OXSR1: variants seen among roughly 807,000 people sequenced by gnomAD.
The protein encoded by OXSR1 is serine/threonine-protein kinase OSR1.
Under a neutral mutation model 79.8 loss-of-function variants are expected in OXSR1, and 24 were observed. The ratio of observed to expected loss-of-function variants is 0.30; its 90% CI spans 0.22 to 0.42. The LOEUF (loss-of-function observed/expected upper bound fraction) is 0.42. Among genes scored for constraint, OXSR1 ranks in the 10% least tolerant of loss-of-function variants. The probability of loss-of-function intolerance (pLI) is 1.00; values close to 1 mark genes in which losing one functional copy is unlikely to be tolerated. For missense variants in OXSR1, 430 were observed against 618.4 expected, an observed-to-expected ratio of 0.70 and a Z score of 3.23; for synonymous variants, 226 against 209.2, an observed-to-expected ratio of 1.08 and a Z score of -0.69.
intron 4 of OXSR1, 92 bp downstream of exon 4, chr3:38,198,955 C>T: frequency 9.6e-7 from 1 of 1,042,840 alleles, no homozygotes; most frequent in East Asian, 2.4e-5. Context: ...GTTATCATAG[C>T]TCTTTGTATC....
intron 3 of OXSR1, among the ~76,000 whole-genome samples, chr3:38,197,177 A>G (rs1265487659): frequency 6.6e-6 from 1 of 152,236 alleles, no homozygotes; most frequent in Non-Finnish European, 1.5e-5. Context: ...AATTCCAGCA[A>G]TGGAGAGGGG....
At position 38,170,056 on chromosome 3, in the gene OXSR1, T is replaced by A. The variant is rs186080222; in HGVS notation, c.70+4110T>A. 7.0e-3 allele frequency among the ~76,000 whole-genome samples: 1,061 copies of A among 152,154 alleles called. 9 individuals are homozygous for A. The highest frequency in any genetic ancestry group is 0.014 in the African/African-American group (575 of 41,512). Reference sequence around the variant, plus strand: ...CTTCTTTAATTTTATTATTATTATTTTTTTTTGAGTTGGAGTCTTACTCTG... The same window carrying A: ...CTTCTTTAATTTTATTATTATTATTATTTTTTGAGTTGGAGTCTTACTCTG... On this transcript the variant is annotated intron_variant, in intron 1 of 17. Coordinates refer to ENST00000311806, the MANE Select transcript of OXSR1 (RefSeq NM_005109.3).
At chr3:38,180,239 G>C (rs775894867) in intron 1 of OXSR1, among the ~76,000 whole-genome samples, 10 of 152,114 alleles carry the variant, frequency 6.6e-5, no homozygotes, top group African/African-American at 2.4e-4. Flanking sequence ...CACTGTTCCT[G>C]GCGGAAAAAA....
chr3:38,239,265 T>C (rs1575368011), intron 11 of OXSR1, among the ~76,000 whole-genome samples: 1 of 152,168 alleles, frequency 6.6e-6, no homozygotes, highest in South Asian at 2.1e-4. Flanking sequence ...CATTATGGCT[T>C]GAGGAGTATT....
intron 4 of OXSR1, among the ~76,000 whole-genome samples, chr3:38,203,479 G>GC (rs1412776298): frequency 2.0e-5 from 3 of 152,048 alleles, no homozygotes; most frequent in Non-Finnish European, 4.4e-5. Flanking sequence ...CACCCGCTAA[G>GC]CCCCATAGGG....
At chr3:38,178,927 G>A (rs1001296374) in intron 1 of OXSR1, among the ~76,000 whole-genome samples, 2 of 151,588 alleles carry the variant, frequency 1.3e-5, no homozygotes, top group African/African-American at 2.4e-5. Context: ...GCAGTGGTGT[G>A]ATCATGGCCC....
In OXSR1 at chr3:38,244,670, T is replaced by TGTGTGTGTGC. The variant is rs1491372358; in HGVS notation, c.1111-1404_1111-1403insTGTGTGTGCG. 9.8e-3 allele frequency among the ~76,000 whole-genome samples: 1,461 copies of TGTGTGTGTGC among 149,638 alleles called. 32 individuals are homozygous for TGTGTGTGTGC. Among genetic ancestry groups the TGTGTGTGTGC allele is most frequent in the East Asian group, 0.038 (194 of 5,066 alleles). Reference sequence around the variant, plus strand: ...GTGTGTGTGTGTGTGTGTGTGTGCGTGCGCATGTACCACATTTTATTCATC... The same window carrying TGTGTGTGTGC: ...GTGTGTGTGTGTGTGTGTGTGTGCGTGTGTGTGTGCGCGCATGTACCACATTTTATTCATC... On this transcript the variant is annotated intron_variant, in intron 12 of 17. Coordinates refer to ENST00000311806, the MANE Select transcript of OXSR1 (RefSeq NM_005109.3).
intron 11 of OXSR1, among the ~76,000 whole-genome samples, chr3:38,240,335 A>G (rs1384027785): frequency 6.6e-6 from 1 of 152,176 alleles, no homozygotes; most frequent in Non-Finnish European, 1.5e-5. Flanking sequence ...TTCTCACTAT[A>G]GAAGAAGATA....
At chr3:38,220,856 C>T (rs1237144137) in intron 5 of OXSR1, among the ~76,000 whole-genome samples, 1 of 152,116 alleles carries the variant, frequency 6.6e-6, no homozygotes, top group Non-Finnish European at 1.5e-5. Context: ...GGGCTATTTA[C>T]AGAAAAGGGG....
chr3:38,193,504 A>G, intron 3 of OXSR1: 1 of 879,534 alleles, frequency 1.1e-6, no homozygotes, highest in Non-Finnish European at 1.6e-6. Flanking sequence ...CAACATTTTT[A>G]ATGTTTTGCA....
At chr3:38,166,814 A>T (rs946752583) in intron 1 of OXSR1, among the ~76,000 whole-genome samples, 10 of 149,838 alleles carry the variant, frequency 6.7e-5, no homozygotes, top group African/African-American at 2.4e-5. Flanking sequence ...AAAAAAAAAA[A>T]TTTGAAGAGG....
chr3:38,229,802 A>G, intron 9 of OXSR1, 67 bp downstream of exon 9: 1 of 1,165,150 alleles, frequency 8.6e-7, no homozygotes, highest in Non-Finnish European at 1.3e-6. Context: ...GATTATGTTC[A>G]GTGCTTAGAA....
intron 4 of OXSR1, among the ~76,000 whole-genome samples, chr3:38,200,245 CAGAG>C (rs3831838): frequency 7.3e-5 from 11 of 150,114 alleles, no homozygotes; most frequent in African/African-American, 2.2e-4. Context: ...CTTCTTTAGG[CAGAG>C]AGAGAGAGAG....
rs117571061 is a variant in OXSR1 at position 38,247,019 on chromosome 3, C to G, written c.1258-649C>G. On this transcript the variant is annotated intron_variant, in intron 13 of 17. Coordinates refer to ENST00000311806, the MANE Select transcript of OXSR1 (RefSeq NM_005109.3). ...CATCTCGTGTTCTGCCTTTGGAGAT[C>G]ACTGCTTTGAGCATTTCCAATTAGT... 6.0e-5 allele frequency among the ~76,000 whole-genome samples: 9 copies of G among 150,986 alleles called. No homozygotes were observed. In the East Asian group the frequency reaches 1.6e-3, roughly 26 times the overall value.
intron 2 of OXSR1, among the ~76,000 whole-genome samples, 198 bp from the exon 3 acceptor site, chr3:38,190,533 G>A (rs1429564089): frequency 3.3e-5 from 5 of 152,142 alleles, no homozygotes; most frequent in Non-Finnish European, 7.3e-5. Flanking sequence ...AGTGTAATGA[G>A]TGAAGGAAAT....
upstream of OXSR1, among the ~76,000 whole-genome samples, chr3:38,164,389 G>C (rs1246330941): frequency 6.6e-6 from 1 of 152,090 alleles, no homozygotes; most frequent in Non-Finnish European, 1.5e-5. Flanking sequence ...CAGGTGGTCC[G>C]CCCGCCTCCG....
At chr3:38,192,001 T>C (rs1701993005) in intron 3 of OXSR1, among the ~76,000 whole-genome samples, 1 of 152,140 alleles carries the variant, frequency 6.6e-6, no homozygotes. Context: ...AATAATGGAG[T>C]CTTTTTTAAG....
chr3:38,195,667 G>A (rs563984756), intron 3 of OXSR1, among the ~76,000 whole-genome samples: 4 of 152,110 alleles, frequency 2.6e-5, no homozygotes, highest in African/African-American at 9.6e-5. Context: ...TTGTTGATGG[G>A]GTCATTACTT....
chr3:38,215,965 A>ATATC (rs1310479833), intron 4 of OXSR1, 131 bp from the exon 5 acceptor site: 1 of 652,668 alleles, frequency 1.5e-6, no homozygotes, highest in East Asian at 2.8e-5. Context: ...ATTAGTCTTA[A>ATATC]TATCCTTTAA....
Sources: gnomAD v4.1 joint callset for allele counts (sites outside exome capture counted in the v4.1 genomes callset) on GRCh38, gnomAD v4.1.1 for gene constraint, MANE v1.5 for transcripts, NCBI Gene and HGNC (gene_info 2026-07-23, HGNC 2026-07-21) for gene names.